The following SLC25A13 variants were observed in gnomAD, a reference collection of about 807,000 sequenced individuals.
The protein encoded by SLC25A13 is electrogenic aspartate/glutamate antiporter SLC25A13, mitochondrial.
Under a neutral mutation model 85.5 loss-of-function variants are expected in SLC25A13, and 70 were observed. The observed-to-expected ratio is 0.82, with a 90% CI of 0.68 to 1.00. The LOEUF (loss-of-function observed/expected upper bound fraction) is 1.00, where lower values mean the gene tolerates loss of function less well. Among genes scored for constraint, SLC25A13 ranks in the 50% least tolerant of loss-of-function variants. SLC25A13 has a pLI of 0.00. For missense variants in SLC25A13, 765 were observed against 819.8 expected (o/e 0.93, Z 0.82); for synonymous variants, 259 against 288.7 (o/e 0.90, Z 1.04).
intron 2 of SLC25A13, among the ~76,000 whole-genome samples, chr7:96,284,753 T>C (rs1183920551): frequency 6.6e-6 from 1 of 152,214 alleles, no homozygotes; most frequent in Non-Finnish European, 1.5e-5. Context: ...CTCTCTTGCC[T>C]GTCACAATAT....
At chr7:96,259,670 T>G (rs1797771749) in intron 3 of SLC25A13, among the ~76,000 whole-genome samples, 1 of 152,168 alleles carries the variant, frequency 6.6e-6, no homozygotes, top group South Asian at 2.1e-4. Flanking sequence ...AATCTAGAAC[T>G]AGAAATACCA....
intron 13 of SLC25A13, among the ~76,000 whole-genome samples, chr7:96,151,055 A>G (rs1793022842): frequency 6.6e-6 from 1 of 152,186 alleles, no homozygotes; most frequent in African/African-American, 2.4e-5. Flanking sequence ...TGATTAAGCC[A>G]GTGAGAAGGT....
chr7:96,203,626 C>T (rs1184581255), intron 5 of SLC25A13, among the ~76,000 whole-genome samples: 1 of 152,102 alleles, frequency 6.6e-6, no homozygotes, highest in East Asian at 1.9e-4. Context: ...TTCTAGTTAA[C>T]AGAAATATTG....
At chr7:96,145,228 C>A (rs1792732583) in intron 14 of SLC25A13, among the ~76,000 whole-genome samples, 1 of 151,934 alleles carries the variant, frequency 6.6e-6, no homozygotes, top group Non-Finnish European at 1.5e-5. Flanking sequence ...AAAATTAATC[C>A]CAGAAAAGAG....
At chr7:96,197,700 CAG>C (rs113408897) in intron 5 of SLC25A13, among the ~76,000 whole-genome samples, 5,434 of 152,026 alleles carry the variant, frequency 0.036, 325 homozygotes, top group African/African-American at 0.13. Context: ...AAAACAGAGA[CAG>C]AGAGCTTTTA....
Position 96,221,010 on chromosome 7 carries a change from G to C in SLC25A13, c.329-12033C>G, listed in dbSNP as rs147866787. 2.6e-4 allele frequency among the ~76,000 whole-genome samples: 40 copies of C among 152,290 alleles called. No individual in the cohort carries two copies. In the East Asian group the frequency reaches 5.4e-3, roughly 21 times the overall value. ...TCCCCCTCTCTATTTTTAAAATGGAGTGATGAAGTAGCAAAAAGTACAATA... is the reference window on the plus strand; with the variant it reads ...TCCCCCTCTCTATTTTTAAAATGGACTGATGAAGTAGCAAAAAGTACAATA... On this transcript the variant is annotated intron_variant, in intron 4 of 17. Transcript: ENST00000265631.
At chr7:96,288,970 C>T (rs2116973519) in intron 2 of SLC25A13, among the ~76,000 whole-genome samples, 1 of 152,278 alleles carries the variant, frequency 6.6e-6, no homozygotes, top group Middle Eastern at 3.4e-3. Context: ...TCAAGTGAGA[C>T]CCTGAGCCCC....
chr7:96,250,307 C>T (rs1347128362), intron 3 of SLC25A13, among the ~76,000 whole-genome samples: 1 of 152,110 alleles, frequency 6.6e-6, no homozygotes, highest in Non-Finnish European at 1.5e-5. Flanking sequence ...AGGGTTTTGC[C>T]CAAGTAGATG....
chr7:96,230,209 A>G (rs1796489208), intron 4 of SLC25A13, among the ~76,000 whole-genome samples: 1 of 152,240 alleles, frequency 6.6e-6, no homozygotes, highest in Non-Finnish European at 1.5e-5. Flanking sequence ...AATAAAATGA[A>G]CAAAGGAAGC....
intron 15 of SLC25A13, among the ~76,000 whole-genome samples, chr7:96,129,397 T>C (rs888159854): frequency 6.6e-6 from 1 of 152,082 alleles, no homozygotes; most frequent in Admixed American, 6.5e-5. Flanking sequence ...TCAAGAATAA[T>C]GGGTCAATGA....
intron 13 of SLC25A13, among the ~76,000 whole-genome samples, chr7:96,163,586 T>C (rs1793607752): frequency 6.6e-6 from 1 of 152,186 alleles, no homozygotes; most frequent in Non-Finnish European, 1.5e-5. Context: ...ACACTTCTCC[T>C]CCTCAATGAT....
intron 3 of SLC25A13, among the ~76,000 whole-genome samples, chr7:96,235,509 C>T (rs1246524050): frequency 6.6e-6 from 1 of 152,202 alleles, no homozygotes; most frequent in East Asian, 1.9e-4. Flanking sequence ...AATCATAACA[C>T]AAGAACTAGT....
chr7:96,196,796 T>G (rs1414438360), intron 5 of SLC25A13, among the ~76,000 whole-genome samples: 3 of 152,154 alleles, frequency 2.0e-5, no homozygotes, highest in Non-Finnish European at 4.4e-5. Flanking sequence ...AAAGCAGCAT[T>G]CTGAAGACGT....
At chr7:96,213,324 T>C (rs1562847980) in intron 4 of SLC25A13, among the ~76,000 whole-genome samples, 1 of 152,256 alleles carries the variant, frequency 6.6e-6, no homozygotes, top group Non-Finnish European at 1.5e-5. Flanking sequence ...CACAAATAGC[T>C]TTCTCACTTA....
chr7:96,270,215 T>C (rs181632024), intron 3 of SLC25A13, among the ~76,000 whole-genome samples: 1 of 152,302 alleles, frequency 6.6e-6, no homozygotes, highest in East Asian at 1.9e-4. Flanking sequence ...TTTCAAAACA[T>C]CATGTTGCAT....
Position 96,238,737 on chromosome 7 carries a change from C to T in SLC25A13, c.213-3820G>A, listed in dbSNP as rs375720214. On this transcript the variant is annotated intron_variant, in intron 3 of 17. Transcript: ENST00000265631. The stretch of plus-strand genomic sequence containing the variant: ...CCCCCAACCCTGCTGAGCAGGCACC[C>T]ACAGCCACGCAGCCACACAGTGCTG... Among the ~76,000 whole-genome samples the T allele has an allele frequency of 3.7e-4, 57 of 152,202 alleles. 2 individuals are homozygous for T. In the East Asian group the frequency reaches 8.5e-3, roughly 23 times the overall value.
chr7:96,268,311 T>C (rs1477754834), intron 3 of SLC25A13, among the ~76,000 whole-genome samples: 1 of 152,228 alleles, frequency 6.6e-6, no homozygotes, highest in Non-Finnish European at 1.5e-5. Flanking sequence ...ATGAACAATG[T>C]ATAAAAATTA....
At chr7:96,173,389 A>C (rs1026323628) in intron 11 of SLC25A13, among the ~76,000 whole-genome samples, 1 of 152,232 alleles carries the variant, frequency 6.6e-6, no homozygotes, top group African/African-American at 2.4e-5. Flanking sequence ...CTAGCTGTTA[A>C]GTGGTGAGAC....
chr7:96,203,208 C>G (rs937335510), intron 5 of SLC25A13, among the ~76,000 whole-genome samples: 2 of 152,106 alleles, frequency 1.3e-5, no homozygotes, highest in Non-Finnish European at 2.9e-5. Flanking sequence ...CTAGTCCAGA[C>G]CAAAGTTTGC....
Sources: allele counts gnomAD v4.1 joint callset (sites outside exome capture counted in the v4.1 genomes callset), GRCh38; gene constraint gnomAD v4.1.1; transcripts MANE v1.5; gene names NCBI Gene and HGNC (gene_info 2026-07-23, HGNC 2026-07-21).